Variants in DNM3 observed in about 807,000 individuals in gnomAD.
DNM3 encodes dynamin 3, also known as dynamin-3.
Under a neutral mutation model 101.6 loss-of-function variants are expected in DNM3, and 47 were observed. The observed-to-expected ratio is 0.46, with a 90% CI of 0.37 to 0.59. The LOEUF (loss-of-function observed/expected upper bound fraction) is 0.59, where lower values mean the gene tolerates loss of function less well. Among genes scored for constraint, DNM3 ranks in the 20% least tolerant of loss-of-function variants. DNM3 has a pLI of 0.00. For synonymous variants in DNM3, 385 were observed against 387.9 expected, an observed-to-expected ratio of 0.99 and a Z score of 0.09; for missense variants, 849 against 1,085.7, an observed-to-expected ratio of 0.78 and a Z score of 3.06.
intron 14 of DNM3, among the ~76,000 whole-genome samples, chr1:172,249,229 C>A (rs2148673462): frequency 6.6e-6 from 1 of 152,250 alleles, no homozygotes; most frequent in Non-Finnish European, 1.5e-5. Flanking sequence ...TGCGCACTTG[C>A]CAAGCCCATA....
At chr1:171,936,986 T>C (rs916050481) in intron 2 of DNM3, among the ~76,000 whole-genome samples, 3 of 152,168 alleles carry the variant, frequency 2.0e-5, no homozygotes, top group Admixed American at 2.0e-4. Context: ...CCTACAACAA[T>C]ACTCAGGAGT....
chr1:172,324,048 T>G (rs2065840832), intron 17 of DNM3, among the ~76,000 whole-genome samples: 1 of 152,222 alleles, frequency 6.6e-6, no homozygotes, highest in South Asian at 2.1e-4. Flanking sequence ...TTCATGGGGT[T>G]GCTAGTTTGT....
At chr1:171,920,449 C>T (rs1015429219) in intron 1 of DNM3, among the ~76,000 whole-genome samples, 1 of 152,174 alleles carries the variant, frequency 6.6e-6, no homozygotes, top group Non-Finnish European at 1.5e-5. Context: ...GTTAAGAGTA[C>T]AAATGCTGCA....
At chr1:172,005,950 C>A (rs1309011062) in intron 4 of DNM3, among the ~76,000 whole-genome samples, 2 of 152,084 alleles carry the variant, frequency 1.3e-5, no homozygotes, top group African/African-American at 4.8e-5. Flanking sequence ...AAAAGAGTTT[C>A]CTCCTGTTGC....
intron 13 of DNM3, among the ~76,000 whole-genome samples, chr1:172,129,540 G>A (rs2056824859): frequency 6.6e-6 from 1 of 152,092 alleles, no homozygotes; most frequent in African/African-American, 2.4e-5. Context: ...CCACATGGCT[G>A]GGGAGGCCTC....
chr1:172,007,207 A>T (rs1286321005), intron 4 of DNM3, among the ~76,000 whole-genome samples: 1 of 152,126 alleles, frequency 6.6e-6, no homozygotes, highest in Non-Finnish European at 1.5e-5. Context: ...AAAAAATTTT[A>T]AAAACTACTA....
At chr1:172,320,124 T>C (rs1349532913) in intron 16 of DNM3, among the ~76,000 whole-genome samples, 8 of 148,958 alleles carry the variant, frequency 5.4e-5, no homozygotes, top group Non-Finnish European at 1.0e-4. Context: ...CAGTAAACTA[T>C]CGCAAGGACA....
chr1:172,001,274 A>C (rs1354087869), intron 4 of DNM3, among the ~76,000 whole-genome samples: 1 of 152,034 alleles, frequency 6.6e-6, no homozygotes, highest in South Asian at 2.1e-4. Flanking sequence ...TTGTATAATA[A>C]AGACATTATG....
At chr1:172,394,052 G>C (rs2069757783) in intron 20 of DNM3, 1 of 152,188 alleles carries the variant, frequency 6.6e-6, no homozygotes, top group Admixed American at 6.5e-5. Context: ...CCCATCAAAA[G>C]CCTTGTTCCA....
chr1:172,073,291 A>G (rs1572384865), intron 11 of DNM3, among the ~76,000 whole-genome samples: 1 of 133,934 alleles, frequency 7.5e-6, no homozygotes, highest in East Asian at 2.0e-4. Context: ...GTATATATAC[A>G]CATATAAGTA....
At chr1:171,861,698 G>A (rs2034193905) in intron 1 of DNM3, among the ~76,000 whole-genome samples, 1 of 152,070 alleles carries the variant, frequency 6.6e-6, no homozygotes, top group South Asian at 2.1e-4. Flanking sequence ...TCTTAGCTAC[G>A]ATACCCAAAG....
At position 171,893,970 on chromosome 1, in the gene DNM3, C is replaced by T. The variant is rs535204920; in HGVS notation, c.162-27778C>T. On this transcript the variant is annotated intron_variant, in intron 1 of 20. Transcript: ENST00000627582. ...TCCTGAGTAGTTGGGATTATAGGCA[C>T]GCACTGCCACACCAAGCTAATTTTT... 2.6e-4 allele frequency among the ~76,000 whole-genome samples: 40 copies of T among 152,178 alleles called. No individual in the cohort carries two copies. In the East Asian group the frequency reaches 6.0e-3, roughly 23 times the overall value.
At chr1:171,871,936 G>A (rs1259122984) in intron 1 of DNM3, among the ~76,000 whole-genome samples, 2 of 121,260 alleles carry the variant, frequency 1.6e-5, no homozygotes, top group African/African-American at 3.3e-5. Flanking sequence ...TGGGTTAAGA[G>A]GTAGTAATTT....
chr1:172,082,579 T>C (rs2053239984), intron 12 of DNM3, among the ~76,000 whole-genome samples: 1 of 152,212 alleles, frequency 6.6e-6, no homozygotes, highest in Non-Finnish European at 1.5e-5. Context: ...AAATATATTT[T>C]TGCATTTAAG....
chr1:172,129,673 C>G (rs945104703), intron 13 of DNM3, among the ~76,000 whole-genome samples: 1 of 152,088 alleles, frequency 6.6e-6, no homozygotes, highest in East Asian at 1.9e-4. Context: ...GACTCATTTA[C>G]TATCACGAGA....
chr1:172,058,244 T>C (rs1418978085), intron 10 of DNM3, among the ~76,000 whole-genome samples: 1 of 151,896 alleles, frequency 6.6e-6, no homozygotes, highest in East Asian at 1.9e-4. Flanking sequence ...ACGTTAATAA[T>C]GGGAGACTTT....
intron 20 of DNM3, among the ~76,000 whole-genome samples, chr1:172,400,890 G>T (rs540850024): frequency 6.6e-6 from 1 of 151,974 alleles, no homozygotes; most frequent in Non-Finnish European, 1.5e-5. Context: ...TTAACTTTCC[G>T]TACTTTCTGG....
chr1:171,917,714 G>C (rs978167204), intron 1 of DNM3, among the ~76,000 whole-genome samples: 4 of 152,062 alleles, frequency 2.6e-5, no homozygotes, highest in Non-Finnish European at 5.9e-5. Context: ...GTTACTTTTT[G>C]AAGGTACATT....
intron 2 of DNM3, among the ~76,000 whole-genome samples, chr1:171,967,259 A>T (rs757717478): frequency 1.5e-4 from 23 of 152,138 alleles, no homozygotes; most frequent in Non-Finnish European, 2.9e-4. Flanking sequence ...TTTCATGAAG[A>T]TGTGACTTGG....
Sources: gnomAD v4.1 joint callset for allele counts (sites outside exome capture counted in the v4.1 genomes callset) on GRCh38, gnomAD v4.1.1 for gene constraint, MANE v1.5 for transcripts, NCBI Gene and HGNC (gene_info 2026-07-23, HGNC 2026-07-21) for gene names.